The following PPP1R12B variants were observed in gnomAD, a reference collection of about 807,000 sequenced individuals.
The protein encoded by PPP1R12B is myosin phosphatase target subunit 2.
PPP1R12B carries 76 observed loss-of-function variants against 126.1 expected under a neutral mutation model. The observed-to-expected ratio is 0.60, with a 90% CI of 0.50 to 0.73. The LOEUF (loss-of-function observed/expected upper bound fraction) is 0.73, where lower values mean the gene tolerates loss of function less well. Among genes scored for constraint, PPP1R12B ranks in the 30% least tolerant of loss-of-function variants. The pLI is 0.00. For missense variants in PPP1R12B, 1,052 were observed against 1,205.1 expected (o/e 0.87, Z 1.88); for synonymous variants, 356 against 434.7 (o/e 0.82, Z 2.25).
chr1:202,437,709 A>G (rs1671015085), intron 9 of PPP1R12B, 112 bp from the exon 10 acceptor site: 4 of 931,750 alleles, frequency 4.3e-6, no homozygotes, highest in Non-Finnish European at 6.3e-6. Flanking sequence ...TGTTCTTCTT[A>G]GCTACCTTAT....
chr1:202,397,951 G>A lies in PPP1R12B; in HGVS notation c.292-18836G>A, dbSNP rs1485525377. On this transcript the variant is annotated intron_variant, in intron 1 of 23. Transcript: ENST00000608999. Reference sequence around the variant, plus strand: ...TTTTGAGATGGAGTCTTGCCCTGTCGCCCAGGCTGGAGTGCAGTGGTGCAA... The same window carrying A: ...TTTTGAGATGGAGTCTTGCCCTGTCACCCAGGCTGGAGTGCAGTGGTGCAA... Among the ~76,000 whole-genome samples, 5 of 152,028 alleles carry A rather than the reference G, an allele frequency of 3.3e-5. No individual in the cohort carries two copies. In the South Asian group the frequency reaches 6.2e-4, roughly 19 times the overall value.
intron 11 of PPP1R12B, 54 bp downstream of exon 11, chr1:202,440,842 A>G (rs1671509535): frequency 2.1e-6 from 3 of 1,422,982 alleles, no homozygotes; most frequent in South Asian, 2.3e-5. Flanking sequence ...TCTACTGGAC[A>G]TAGTCATCTC....
intron 12 of PPP1R12B, among the ~76,000 whole-genome samples, chr1:202,446,234 CTCTATATA>C (rs1444253724): frequency 2.3e-5 from 2 of 88,394 alleles, no homozygotes; most frequent in African/African-American, 3.8e-5. Flanking sequence ...CTCTCTCTCT[CTCTATATA>C]TATATATATA....
intron 1 of PPP1R12B, among the ~76,000 whole-genome samples, chr1:202,373,855 T>G (rs951089360): frequency 1.1e-4 from 17 of 152,120 alleles, no homozygotes; most frequent in Non-Finnish European, 1.3e-4. Flanking sequence ...CTTAATAGAT[T>G]TTTGTAAAGC....
intron 6 of PPP1R12B, among the ~76,000 whole-genome samples, chr1:202,429,938 A>C (rs868529630): frequency 3.4e-4 from 52 of 152,234 alleles, no homozygotes; most frequent in African/African-American, 1.2e-3. Context: ...TCACATACAT[A>C]AAACTCATAC....
intron 18 of PPP1R12B, among the ~76,000 whole-genome samples, chr1:202,507,567 G>C (rs1356593828): frequency 1.3e-5 from 2 of 152,062 alleles, no homozygotes; most frequent in African/African-American, 4.8e-5. Context: ...TTTCCTGCTG[G>C]TATTTTTCCA....
intron 2 of PPP1R12B, 49 bp downstream of exon 2, chr1:202,416,966 C>T (rs1199334289): frequency 1.3e-6 from 2 of 1,561,844 alleles, no homozygotes; most frequent in Non-Finnish European, 1.7e-6. Flanking sequence ...TAGGAATAGC[C>T]TTCATTTCTC....
intron 1 of PPP1R12B, among the ~76,000 whole-genome samples, chr1:202,396,914 A>C (rs1351967478): frequency 1.3e-5 from 2 of 152,160 alleles, no homozygotes; most frequent in African/African-American, 2.4e-5. Flanking sequence ...TTCCCATTTA[A>C]GGCTAATCCT....
intron 5 of PPP1R12B, among the ~76,000 whole-genome samples, chr1:202,427,626 C>G (rs1448000375): frequency 6.6e-6 from 1 of 151,994 alleles, no homozygotes; most frequent in Non-Finnish European, 1.5e-5. Context: ...ACTCCTATCC[C>G]TATGTCTACT....
intron 1 of PPP1R12B, among the ~76,000 whole-genome samples, chr1:202,365,382 G>A (rs960148016): frequency 6.6e-6 from 1 of 151,634 alleles, no homozygotes; most frequent in African/African-American, 2.4e-5. Context: ...GTTGAGCCAA[G>A]ATTACACCAC....
chr1:202,560,944 A>G (rs1687456290), intron 19 of PPP1R12B, among the ~76,000 whole-genome samples: 1 of 152,164 alleles, frequency 6.6e-6, no homozygotes, highest in African/African-American at 2.4e-5. Context: ...GTGCACCAGC[A>G]TGTCACATGT....
At chr1:202,416,733 A>G (rs1331343626) in intron 1 of PPP1R12B, 54 bp from the exon 2 acceptor site, 3 of 1,544,470 alleles carry the variant, frequency 1.9e-6, no homozygotes, top group South Asian at 1.2e-5. Context: ...TGTCTGGCAC[A>G]TAGTGGAACT....
intron 1 of PPP1R12B, among the ~76,000 whole-genome samples, chr1:202,366,517 C>CAAAA (rs10570958): frequency 3.4e-4 from 25 of 72,980 alleles, no homozygotes; most frequent in Middle Eastern, 7.1e-3. Context: ...GACTCCATCT[C>CAAAA]AAAAAAAAAA....
intron 13 of PPP1R12B, among the ~76,000 whole-genome samples, chr1:202,453,751 A>G (rs1673294093): frequency 6.7e-6 from 1 of 149,620 alleles, no homozygotes; most frequent in South Asian, 2.1e-4. Context: ...AGGAAGGGAG[A>G]TGTTGAGTTG....
chr1:202,467,664 A>G (rs1349683226), intron 13 of PPP1R12B, among the ~76,000 whole-genome samples: 2 of 152,208 alleles, frequency 1.3e-5, no homozygotes, highest in South Asian at 2.1e-4. Flanking sequence ...TGCTATTGTG[A>G]ATAGTGCTTC....
In PPP1R12B at chr1:202,349,077, A is replaced by G; in HGVS notation, c.226A>G (p.Lys76Glu). 1 of 1,614,092 alleles carries G rather than the reference A, an allele frequency of 6.2e-7. No individual in the cohort carries two copies. Among genetic ancestry groups the G allele is most frequent in the East Asian group, 2.2e-5 (1 of 44,878 alleles). The stretch of plus-strand genomic sequence containing the variant: ...TAGCGGGGACACCGACGAGGTGAGA[A>G]AGCTTCTGGCAAGAGGTGCTGATAT... Reference protein sequence around the residue: ...CSSGDTDEVRKLLARGADINT... With the variant: ...CSSGDTDEVRELLARGADINT... The change falls in exon 1 of 24, where the codon AAG (lysine) becomes GAG (glutamate). Residue 76 changes from lysine to glutamate, a missense_variant. By Grantham distance (56) the Lys-to-Glu change is moderately conservative. Transcript: ENST00000608999.
chr1:202,477,220 G>T (rs1191188116), intron 13 of PPP1R12B, among the ~76,000 whole-genome samples: 1 of 152,180 alleles, frequency 6.6e-6, no homozygotes, highest in Non-Finnish European at 1.5e-5. Context: ...CATGGTAGTA[G>T]CAGCAAACGT....
chr1:202,539,746 G>T (rs1169009348), intron 18 of PPP1R12B: 4 of 154,654 alleles, frequency 2.6e-5, no homozygotes, highest in Non-Finnish European at 4.3e-5. Context: ...TTTCCTCCGG[G>T]ATTTAATCTG....
intron 13 of PPP1R12B, among the ~76,000 whole-genome samples, chr1:202,483,872 C>T (rs1214529134): frequency 1.3e-5 from 2 of 152,032 alleles, no homozygotes; most frequent in Non-Finnish European, 2.9e-5. Flanking sequence ...GTCTGATGAC[C>T]TTCTTTGTCT....
Sources: gnomAD v4.1 joint callset for allele counts (sites outside exome capture counted in the v4.1 genomes callset) on GRCh38, gnomAD v4.1.1 for gene constraint, MANE v1.5 for transcripts, NCBI Gene and HGNC (gene_info 2026-07-23, HGNC 2026-07-21) for gene names.